The following PCNX2 variants were observed in gnomAD, a reference collection of about 807,000 sequenced individuals.
PCNX2 encodes pecanex-like protein 2.
Under a neutral mutation model 223.8 loss-of-function variants are expected in PCNX2, and 168 were observed. That is an observed-to-expected ratio of 0.75 (90% CI 0.66 to 0.85). The LOEUF is 0.85. PCNX2 is among the 40% of genes least tolerant of loss of function. The probability of loss-of-function intolerance (pLI) is 0.00; values close to 1 mark genes in which losing one functional copy is unlikely to be tolerated. For missense variants in PCNX2, 2,507 were observed against 2,675.5 expected (o/e 0.94, Z 1.39); for synonymous variants, 1,006 against 1,052.6 (o/e 0.96, Z 0.86).
chr1:233,307,145 T>C, the PCNX2 span, among the ~76,000 whole-genome samples: 1 of 152,230 alleles, frequency 6.6e-6, no homozygotes. Flanking sequence ...AAATTATGGT[T>C]ACAAAATCCT....
intron 17 of PCNX2, among the ~76,000 whole-genome samples, chr1:233,172,093 TA>T (rs1679187057): frequency 6.6e-6 from 1 of 152,236 alleles, no homozygotes; most frequent in African/African-American, 2.4e-5. Context: ...CTATGGTCTA[TA>T]AATTTTAAAG....
At chr1:233,297,452 A>G (rs527491627), upstream of PCNX2, among the ~76,000 whole-genome samples, 1 of 152,338 alleles carries the variant, frequency 6.6e-6, no homozygotes, top group Non-Finnish European at 1.5e-5. Flanking sequence ...AGATATATGG[A>G]AGCACTGGGG....
intron 25 of PCNX2, among the ~76,000 whole-genome samples, chr1:233,045,683 A>G (rs1324353479): frequency 6.6e-6 from 1 of 152,200 alleles, no homozygotes; most frequent in African/African-American, 2.4e-5. Context: ...TGTTAAACCC[A>G]CATCAGACAT....
chr1:233,141,040 A>G (rs938070908), intron 19 of PCNX2, among the ~76,000 whole-genome samples: 6 of 146,128 alleles, frequency 4.1e-5, no homozygotes, highest in Non-Finnish European at 6.0e-5. Context: ...AATTTATAGT[A>G]AAAAAAAAAA....
the PCNX2 span, among the ~76,000 whole-genome samples, chr1:233,325,378 G>A: frequency 6.6e-6 from 1 of 151,992 alleles, no homozygotes; most frequent in African/African-American, 2.4e-5. Context: ...GGAGACTGAG[G>A]CCAGGCACGA....
chr1:233,068,132 A>C (rs1330049651), intron 23 of PCNX2, among the ~76,000 whole-genome samples: 3 of 152,246 alleles, frequency 2.0e-5, no homozygotes, highest in Non-Finnish European at 4.4e-5. Flanking sequence ...CTTATTAGAA[A>C]CCATAGAGGT....
rs548842843 is a variant in PCNX2, at chr1:233,062,188, C to T, written c.4077-4898G>A. Among the ~76,000 whole-genome samples the T allele has an allele frequency of 3.9e-5, 6 of 152,270 alleles. No homozygotes were observed. In the South Asian group the frequency reaches 1.0e-3, roughly 26 times the overall value. On this transcript the variant is annotated intron_variant, in intron 23 of 33. Coordinates refer to ENST00000258229, the MANE Select transcript of PCNX2 (RefSeq NM_014801.4). ...TTGTAAGAACTATGAAAGTGAGCTC[C>T]TTTTTAATTGCCTAATATATAATCA...
chr1:233,033,032 T>G, intron 25 of PCNX2: 3 of 985,434 alleles, frequency 3.0e-6, no homozygotes, highest in Non-Finnish European at 3.6e-6. Flanking sequence ...GTTCAAAGCA[T>G]ATTCCCTCCA....
At chr1:233,062,011 G>A (rs546581876) in intron 23 of PCNX2, among the ~76,000 whole-genome samples, 154 of 152,132 alleles carry the variant, frequency 1.0e-3, no homozygotes, top group African/African-American at 3.4e-3. Context: ...CACCTGCCTC[G>A]GCCTCCCAAA....
At chr1:233,036,153 G>T (rs553537000) in intron 25 of PCNX2, among the ~76,000 whole-genome samples, 4 of 152,036 alleles carry the variant, frequency 2.6e-5, no homozygotes, top group African/African-American at 4.8e-5. Flanking sequence ...CAGCTTCCAC[G>T]TCATGGCGGG....
chr1:233,010,574 A>G (rs1311227207), intron 28 of PCNX2, among the ~76,000 whole-genome samples: 2 of 152,092 alleles, frequency 1.3e-5, no homozygotes, highest in Admixed American at 1.3e-4. Flanking sequence ...ACCATCTCAT[A>G]CTCTGTGGTC....
At chr1:233,277,109 T>C (rs1394123234) in intron 1 of PCNX2, among the ~76,000 whole-genome samples, 2 of 152,056 alleles carry the variant, frequency 1.3e-5, no homozygotes, top group African/African-American at 4.8e-5. Context: ...AAATCAGCAT[T>C]AGAGACACAA....
rs187856276 is a variant in PCNX2 at position 232,984,387 on chromosome 1, C to T, written c.6331G>A (p.Gly2111Arg). The T allele has an allele frequency of 4.5e-5, 72 of 1,613,650 alleles. 1 individual carries two copies. The highest frequency in any genetic ancestry group is 2.2e-4 in the East Asian group (10 of 44,852). The part of the protein sequence containing the change: ...CLAEAVADTL[G>R]VVCRRASQED... Reference sequence around the variant, plus strand: ...TGGCTTGCTCTCCTGCAGACAACCCCGAGAGTGTCCGCCACAGCCTCAGCC... The same window carrying T: ...TGGCTTGCTCTCCTGCAGACAACCCTGAGAGTGTCCGCCACAGCCTCAGCC... Residue 2111 changes from glycine (G) to arginine (R), a missense_variant, in exon 34 of 34, where the codon GGG becomes AGG. Physicochemically the swap from Gly to Arg is moderately radical, Grantham distance 125. Around this residue, in one of 3 missense-constraint regions of PCNX2, gnomAD observed 1,372 missense variants for 1,509.4 expected, o/e 0.91. Coordinates refer to ENST00000258229, the MANE Select transcript of PCNX2 (RefSeq NM_014801.4).
At chr1:233,033,024 T>C (rs1671324459) in intron 25 of PCNX2, 2 of 985,288 alleles carry the variant, frequency 2.0e-6, no homozygotes, top group African/African-American at 3.5e-5. Context: ...CTCAGAAGGT[T>C]CAAAGCATAT....
At chr1:233,098,643 T>C (rs1200114169) in intron 21 of PCNX2, among the ~76,000 whole-genome samples, 2 of 152,238 alleles carry the variant, frequency 1.3e-5, no homozygotes, top group Non-Finnish European at 2.9e-5. Context: ...ATGTCATTTC[T>C]TTATGTAGTA....
intron 15 of PCNX2, among the ~76,000 whole-genome samples, chr1:233,185,084 A>AAC (rs60719299): frequency 0.029 from 4,052 of 141,754 alleles, 91 homozygotes; most frequent in African/African-American, 0.064. Flanking sequence ...TACATACATA[A>AAC]ACACACACAC....
chr1:233,322,872 C>A, the PCNX2 span, among the ~76,000 whole-genome samples: 1 of 152,140 alleles, frequency 6.6e-6, no homozygotes, highest in Admixed American at 6.5e-5. Flanking sequence ...ACGATTTCCT[C>A]TACCCTTCTT....
intron 17 of PCNX2, chr1:233,167,766 T>G (rs1377940815): frequency 2.0e-6 from 2 of 984,924 alleles, no homozygotes; most frequent in African/African-American, 1.7e-5. Context: ...AGCTTGCTAC[T>G]GTGTCCTGTG....
At chr1:233,322,524 A>G in the PCNX2 span, among the ~76,000 whole-genome samples, 1 of 152,108 alleles carries the variant, frequency 6.6e-6, no homozygotes, top group Non-Finnish European at 1.5e-5. Flanking sequence ...GTGATCAAGG[A>G]GGAGGAATCT....
Sources: allele counts gnomAD v4.1 joint callset (sites outside exome capture counted in the v4.1 genomes callset), GRCh38; gene constraint gnomAD v4.1.1; regional missense constraint gnomAD v4.1.1; transcripts MANE v1.5; gene names NCBI Gene and HGNC (gene_info 2026-07-23, HGNC 2026-07-21).